Variants in MEF2C observed in about 807,000 individuals in gnomAD.
MEF2C encodes myocyte-specific enhancer factor 2C.
MEF2C carries 6 observed loss-of-function variants against 50.5 expected under a neutral mutation model. The ratio of observed to expected loss-of-function variants is 0.12; its 90% CI spans 0.07 to 0.23. The LOEUF is 0.23. Ranked by LOEUF, MEF2C falls within the 10% of genes least tolerant of loss-of-function variation. The probability of loss-of-function intolerance (pLI) is 1.00; values close to 1 mark genes in which losing one functional copy is unlikely to be tolerated. For missense variants in MEF2C, 276 were observed against 605.0 expected, an observed-to-expected ratio of 0.46 and a Z score of 5.70; for synonymous variants, 183 against 228.0, an observed-to-expected ratio of 0.80 and a Z score of 1.78.
chr5:88,798,756 G>T (rs1002661667), intron 3 of MEF2C, among the ~76,000 whole-genome samples: 13 of 152,098 alleles, frequency 8.5e-5, no homozygotes, highest in Non-Finnish European at 1.3e-4. Flanking sequence ...TTTTGCACTG[G>T]TTTTTCCTCA....
intron 1 of MEF2C, among the ~76,000 whole-genome samples, chr5:88,893,484 A>G (rs983693651): frequency 2.0e-5 from 3 of 151,914 alleles, no homozygotes; most frequent in Admixed American, 1.3e-4. Flanking sequence ...TGGCCTCCCA[A>G]AGTGCTGGGA....
chr5:88,829,786 T>C (rs1013924119), intron 1 of MEF2C, among the ~76,000 whole-genome samples: 5 of 152,018 alleles, frequency 3.3e-5, no homozygotes, highest in Non-Finnish European at 5.9e-5. Context: ...GGACGCTGTG[T>C]GACTCCAGAC....
At chr5:88,826,830 GC>G (rs1369334094) in intron 1 of MEF2C, among the ~76,000 whole-genome samples, 4 of 151,562 alleles carry the variant, frequency 2.6e-5, no homozygotes, top group Non-Finnish European at 4.4e-5. Flanking sequence ...AATTCCAACA[GC>G]CTTGCCACTA....
rs1043608782 is a variant in MEF2C, at chr5:88,728,639, G to C, written c.965-11C>G. 10 of 1,372,056 alleles carry C rather than the reference G, an allele frequency of 7.3e-6. No homozygotes were observed. The highest frequency in any genetic ancestry group is 9.5e-6 in the Non-Finnish European group (10 of 1,052,544). 85.0% of individuals were successfully genotyped at this position (1,372,056 alleles called of 1,614,324 possible). ...TACTCAGAGAGTACTCTAGATTAAAGAATAAAACAACAAGGGAAAATATTA... is the reference window on the plus strand; with the variant it reads ...TACTCAGAGAGTACTCTAGATTAAACAATAAAACAACAAGGGAAAATATTA... On this transcript the variant is annotated splice_polypyrimidine_tract_variant and intron_variant, in intron 9 of 10. Coordinates refer to ENST00000504921, the MANE Select transcript of MEF2C (RefSeq NM_002397.5).
intron 2 of MEF2C, among the ~76,000 whole-genome samples, chr5:88,808,896 A>C (rs1231625573): frequency 3.9e-5 from 6 of 152,250 alleles, no homozygotes; most frequent in Non-Finnish European, 5.9e-5. Flanking sequence ...TAATGGGGAC[A>C]AGTCCATATT....
intron 1 of MEF2C, chr5:88,843,221 T>C: frequency 1.5e-6 from 1 of 656,582 alleles, no homozygotes; most frequent in Non-Finnish European, 1.9e-6. Flanking sequence ...TTTTTTTTTT[T>C]TTAATTCTAT....
chr5:88,874,457 T>C (rs1331251277), intron 1 of MEF2C, among the ~76,000 whole-genome samples: 13 of 152,004 alleles, frequency 8.6e-5, no homozygotes, highest in Non-Finnish European at 1.8e-4. Flanking sequence ...TTGACTCATA[T>C]ATATATTAGC....
chr5:88,848,028 CTTCA>C (rs1229534141), intron 1 of MEF2C, among the ~76,000 whole-genome samples: 1 of 152,152 alleles, frequency 6.6e-6, no homozygotes, highest in East Asian at 1.9e-4. Flanking sequence ...TGCAAATAAA[CTTCA>C]TTCAGCACGC....
chr5:88,838,633 T>G, intron 1 of MEF2C: 1 of 985,322 alleles, frequency 1.0e-6, no homozygotes, highest in Non-Finnish European at 1.2e-6. Flanking sequence ...CATTTTGCTT[T>G]CCTTCAAAGT....
intron 2 of MEF2C, among the ~76,000 whole-genome samples, chr5:88,820,955 A>G (rs1364376136): frequency 2.0e-5 from 3 of 151,988 alleles, no homozygotes; most frequent in Non-Finnish European, 4.4e-5. Flanking sequence ...AATATATATT[A>G]AAACATGGTG....
intron 3 of MEF2C, among the ~76,000 whole-genome samples, chr5:88,797,150 C>A (rs1419843969): frequency 2.0e-5 from 3 of 152,078 alleles, no homozygotes; most frequent in African/African-American, 7.2e-5. Context: ...TCAGCTTGGT[C>A]CAGAGCTGAG....
chr5:88,852,929 A>AG (rs1183473927), intron 1 of MEF2C, among the ~76,000 whole-genome samples: 3 of 151,996 alleles, frequency 2.0e-5, no homozygotes, highest in Non-Finnish European at 4.4e-5. Flanking sequence ...AAAAAAAAAA[A>AG]GAATGTAGTT....
chr5:88,791,989 G>A (rs1423343770), intron 3 of MEF2C, among the ~76,000 whole-genome samples: 1 of 151,956 alleles, frequency 6.6e-6, no homozygotes, highest in African/African-American at 2.4e-5. Flanking sequence ...GCTTAACAGA[G>A]GGGAGGGTAG....
intron 1 of MEF2C, among the ~76,000 whole-genome samples, chr5:88,876,691 C>A (rs1831162214): frequency 6.6e-6 from 1 of 151,960 alleles, no homozygotes; most frequent in Non-Finnish European, 1.5e-5. Context: ...CTCTTGCTAT[C>A]CTTCTAACTT....
intron 1 of MEF2C, among the ~76,000 whole-genome samples, chr5:88,831,105 TTAATA>T (rs1315034348): frequency 6.6e-6 from 1 of 152,136 alleles, no homozygotes; most frequent in South Asian, 2.1e-4. Context: ...TTCTTCATCT[TTAATA>T]TATCATATTT....
At chr5:88,777,985 A>T (rs1785743539) in intron 3 of MEF2C, among the ~76,000 whole-genome samples, 1 of 147,028 alleles carries the variant, frequency 6.8e-6, no homozygotes, top group East Asian at 2.0e-4. Context: ...GCTCACTGCA[A>T]GCTCCGCCTC....
chr5:88,894,788 A>T (rs1052220094), intron 1 of MEF2C, among the ~76,000 whole-genome samples: 1 of 152,170 alleles, frequency 6.6e-6, no homozygotes, highest in Non-Finnish European at 1.5e-5. Context: ...TATTTTTTTA[A>T]AAAAGTCATT....
chr5:88,807,472 G>A (rs913978820), intron 2 of MEF2C, among the ~76,000 whole-genome samples: 5 of 152,094 alleles, frequency 3.3e-5, no homozygotes, highest in Non-Finnish European at 7.4e-5. Context: ...GAGCTCAAGC[G>A]ATCCTCCCGC....
chr5:88,776,332 CTT>C (rs1380326195), intron 3 of MEF2C, among the ~76,000 whole-genome samples: 1 of 152,154 alleles, frequency 6.6e-6, no homozygotes, highest in Admixed American at 6.5e-5. Context: ...TATCACCTCT[CTT>C]ATTTTTTATG....
Sources: allele counts gnomAD v4.1 joint callset (sites outside exome capture counted in the v4.1 genomes callset), GRCh38; gene constraint gnomAD v4.1.1; transcripts MANE v1.5; gene names NCBI Gene and HGNC (gene_info 2026-07-23, HGNC 2026-07-21).